DIP2C: variants seen among roughly 807,000 people sequenced by gnomAD.
DIP2C encodes disco-interacting protein 2 homolog C.
In DIP2C, 33 loss-of-function variants were observed where a neutral mutation model predicts 192.4. That is an observed-to-expected ratio of 0.17 (90% CI 0.13 to 0.23). DIP2C has a LOEUF of 0.23. Ranked by LOEUF, DIP2C falls within the 10% of genes least tolerant of loss-of-function variation. The pLI, the probability that DIP2C is intolerant of heterozygous loss-of-function variation, is 1.00. For missense variants in DIP2C, 1,537 were observed against 2,110.1 expected (o/e 0.73, Z 5.32); for synonymous variants, 979 against 864.1 (o/e 1.13, Z -2.33).
intron 1 of DIP2C, among the ~76,000 whole-genome samples, chr10:516,963 C>T (rs769968371): frequency 6.6e-6 from 1 of 151,340 alleles, no homozygotes; most frequent in African/African-American, 2.4e-5. Flanking sequence ...GAGGCATCCG[C>T]GGCACTTCCC....
chr10:361,523 G>GTC (rs1455248781), intron 22 of DIP2C, among the ~76,000 whole-genome samples: 9 of 152,180 alleles, frequency 5.9e-5, no homozygotes, highest in Non-Finnish European at 1.2e-4. Flanking sequence ...ATAAACACTT[G>GTC]TCTGAACCCT....
At chr10:554,855 C>T (rs1848758456) in intron 1 of DIP2C, among the ~76,000 whole-genome samples, 1 of 148,458 alleles carries the variant, frequency 6.7e-6, no homozygotes, top group Non-Finnish European at 1.5e-5. Context: ...GCAGGAAGCA[C>T]CAGTGATGCA....
intron 1 of DIP2C, among the ~76,000 whole-genome samples, chr10:576,560 T>C (rs937285221): frequency 3.3e-5 from 5 of 152,248 alleles, no homozygotes; most frequent in African/African-American, 1.2e-4. Flanking sequence ...TTGTGCTTTC[T>C]ACTCCAATTT....
intron 4 of DIP2C, among the ~76,000 whole-genome samples, chr10:434,216 G>C (rs1406653689): frequency 2.0e-5 from 3 of 152,156 alleles, no homozygotes; most frequent in African/African-American, 7.2e-5. Context: ...TATTATGAAT[G>C]AACTGTTACA....
chr10:483,178 A>T (rs1223185654), intron 2 of DIP2C, among the ~76,000 whole-genome samples: 1 of 152,224 alleles, frequency 6.6e-6, no homozygotes, highest in Non-Finnish European at 1.5e-5. Flanking sequence ...AACATCCTAG[A>T]AACACTTTTA....
At chr10:360,913 A>G (rs1050489519) in intron 22 of DIP2C, among the ~76,000 whole-genome samples, 1 of 152,180 alleles carries the variant, frequency 6.6e-6, no homozygotes, top group Non-Finnish European at 1.5e-5. Flanking sequence ...TTGGCTTCCA[A>G]TAATGGCTAC....
intron 3 of DIP2C, among the ~76,000 whole-genome samples, chr10:452,604 A>G (rs891219072): frequency 2.6e-5 from 4 of 152,202 alleles, no homozygotes; most frequent in Non-Finnish European, 2.9e-5. Flanking sequence ...CGCTTTGTCG[A>G]AAGACCTTTC....
chr10:649,559 A>C lies in DIP2C; in HGVS notation c.85+39935T>G, dbSNP rs541054771. 2.1e-3 allele frequency among the ~76,000 whole-genome samples: 325 copies of C among 152,354 alleles called. 1 individual carries two copies. The highest frequency in any genetic ancestry group is 6.8e-3 in the Middle Eastern group (2 of 294). ...TAATTTCCTTAAAGCAAAACAACAG[A>C]GAACCAACTTTTCCTTTTTTCACAT... is the stretch of plus-strand genomic sequence containing the variant. On this transcript the variant is annotated intron_variant, in intron 1 of 36. Transcript: ENST00000280886.
chr10:490,910 G>C (rs984846945), intron 1 of DIP2C, among the ~76,000 whole-genome samples: 1 of 152,216 alleles, frequency 6.6e-6, no homozygotes. Context: ...GCAGAAGGTC[G>C]AATGAGACTG....
intron 17 of DIP2C, among the ~76,000 whole-genome samples, chr10:373,888 CAATA>C (rs1253766782): frequency 2.0e-5 from 3 of 152,324 alleles, no homozygotes; most frequent in East Asian, 1.9e-4. Flanking sequence ...GTTTGATCAC[CAATA>C]AATAGTCTGG....
chr10:649,810 C>A, intron 1 of DIP2C: 1 of 427,358 alleles, frequency 2.3e-6, no homozygotes, highest in Non-Finnish European at 4.2e-6. Flanking sequence ...AAGACAGGGT[C>A]TTTCTGGCAG....
At chr10:533,847 G>A (rs532601582) in intron 1 of DIP2C, among the ~76,000 whole-genome samples, 2 of 152,146 alleles carry the variant, frequency 1.3e-5, no homozygotes, top group South Asian at 4.2e-4. Context: ...CTTGAACCGT[G>A]GGAAAATGAA....
At chr10:619,536 C>T (rs1176603255) in intron 1 of DIP2C, among the ~76,000 whole-genome samples, 1 of 122,492 alleles carries the variant, frequency 8.2e-6, no homozygotes, top group Non-Finnish European at 1.7e-5. Flanking sequence ...CAAGCCCGCC[C>T]GCCCGCCCTC....
intron 1 of DIP2C, among the ~76,000 whole-genome samples, chr10:532,744 AG>A (rs1847483165): frequency 7.7e-6 from 1 of 129,990 alleles, no homozygotes; most frequent in Admixed American, 7.9e-5. Context: ...GGTGTGAGAG[AG>A]AGTATGGGTG....
rs559701355 is a variant in DIP2C at position 348,284 on chromosome 10, T to C, written c.3231+357A>G. On this transcript the variant is annotated intron_variant, in intron 26 of 36. Coordinates refer to ENST00000280886, the MANE Select transcript of DIP2C (RefSeq NM_014974.3). Reference sequence around the variant, plus strand: ...CAAAAAGGAGCAGGAAACTTCCACATCTTGAGGAGAGGGCTTTGGAAAAAG... The same window carrying C: ...CAAAAAGGAGCAGGAAACTTCCACACCTTGAGGAGAGGGCTTTGGAAAAAG... Among the ~76,000 whole-genome samples, 4 of 152,344 alleles carry C rather than the reference T, an allele frequency of 2.6e-5. No homozygotes were observed. In the East Asian group the frequency reaches 7.7e-4, roughly 29 times the overall value.
chr10:295,227 A>G (rs116306621), intron 32 of DIP2C, among the ~76,000 whole-genome samples: 155 of 152,304 alleles, frequency 1.0e-3, no homozygotes, highest in African/African-American at 3.7e-3. Flanking sequence ...TAGGGAGGCA[A>G]AAGTCAAAAC....
At chr10:675,985 CT>C (rs768116626) in intron 1 of DIP2C, among the ~76,000 whole-genome samples, 24 of 152,280 alleles carry the variant, frequency 1.6e-4, no homozygotes, top group South Asian at 1.0e-3. Flanking sequence ...GTCAATATCC[CT>C]GATGAACACA....
chr10:333,727 C>G (rs1176853423), intron 29 of DIP2C, among the ~76,000 whole-genome samples: 1 of 152,220 alleles, frequency 6.6e-6, no homozygotes, highest in African/African-American at 2.4e-5. Flanking sequence ...TTCCCACTAT[C>G]AATGTATGAG....
chr10:579,619 G>A (rs909411019), intron 1 of DIP2C, among the ~76,000 whole-genome samples: 3 of 152,028 alleles, frequency 2.0e-5, no homozygotes, highest in African/African-American at 4.8e-5. Context: ...GTACAAACAT[G>A]TGCACTGTAA....
Sources: allele counts gnomAD v4.1 joint callset (sites outside exome capture counted in the v4.1 genomes callset), GRCh38; gene constraint gnomAD v4.1.1; transcripts MANE v1.5; gene names NCBI Gene and HGNC (gene_info 2026-07-23, HGNC 2026-07-21).